Variants in SERGEF observed in about 807,000 individuals in gnomAD.
SERGEF encodes the protein secretion regulating guanine nucleotide exchange factor, also known as secretion-regulating guanine nucleotide exchange factor.
Under a neutral mutation model 50.0 loss-of-function variants are expected in SERGEF, and 51 were observed. The ratio of observed to expected loss-of-function variants is 1.02; its 90% confidence interval spans 0.81 to 1.29. The LOEUF is 1.29. SERGEF is among the 50% of genes most tolerant of loss of function. The pLI, the probability that SERGEF is intolerant of heterozygous loss-of-function variation, is 0.00. For missense variants in SERGEF, 521 were observed against 557.0 expected, an observed-to-expected ratio of 0.94 and a Z score of 0.65; for synonymous variants, 205 against 212.4, an observed-to-expected ratio of 0.97 and a Z score of 0.30.
chr11:17,917,120 T>C (rs1321480252), intron 9 of SERGEF, among the ~76,000 whole-genome samples: 1 of 152,252 alleles, frequency 6.6e-6, no homozygotes, highest in Non-Finnish European at 1.5e-5. Flanking sequence ...TGCACATGCA[T>C]GTTTATAGCA....
intron 10 of SERGEF, among the ~76,000 whole-genome samples, chr11:17,823,575 G>A (rs1387393334): frequency 6.6e-6 from 1 of 152,158 alleles, no homozygotes; most frequent in Non-Finnish European, 1.5e-5. Flanking sequence ...TGGGGGCAAG[G>A]TATTGGCAAA....
chr11:17,964,193 G>A (rs1004434279), intron 8 of SERGEF, among the ~76,000 whole-genome samples: 1 of 152,112 alleles, frequency 6.6e-6, no homozygotes, highest in Non-Finnish European at 1.5e-5. Flanking sequence ...CTCCTGGGGC[G>A]TTTGGCAAAC....
At position 17,790,713 on chromosome 11, in the gene SERGEF, TA is replaced by T. The variant is rs1849471342; in HGVS notation, c.1049-2301del. On this transcript the variant is annotated intron_variant, in intron 10 of 10. Transcript: ENST00000265965. ...TATATGTAAGCATGTTTATGTTTAG[TA>T]AGTGTGGCCAAATATCTCTCCAATG... Among the ~76,000 whole-genome samples the T allele has an allele frequency of 2.6e-5, 4 of 152,202 alleles. 1 individual carries two copies. In the South Asian group the frequency reaches 8.3e-4, roughly 32 times the overall value.
At position 17,988,770 on chromosome 11, in the gene SERGEF, A is replaced by T; in HGVS notation, c.686-15T>A. ...CTCTCCTGCATCTTAAACAAACAGA[A>T]GGGTAACAAAAGAGGTGAGGGAACA... is the stretch of plus-strand genomic sequence containing the variant. On this transcript the variant is annotated splice_polypyrimidine_tract_variant and intron_variant, in intron 7 of 10. Transcript: ENST00000265965. 1 of 1,611,890 alleles carries T rather than the reference A, an allele frequency of 6.2e-7. No homozygotes were observed. Among genetic ancestry groups the T allele is most frequent in the Non-Finnish European group, 8.5e-7 (1 of 1,178,612 alleles).
At chr11:17,805,092 A>C (rs2299632) in intron 10 of SERGEF, among the ~76,000 whole-genome samples, 54,161 of 152,142 alleles carry the variant, frequency 0.36, 9,960 homozygotes, top group South Asian at 0.44. Context: ...CTAACAGTTT[A>C]AAATGAATTC....
intron 10 of SERGEF, among the ~76,000 whole-genome samples, chr11:17,793,272 G>A (rs1421746639): frequency 6.6e-6 from 1 of 152,168 alleles, no homozygotes; most frequent in Non-Finnish European, 1.5e-5. Flanking sequence ...TAGAATGATA[G>A]GAAGTTTGGG....
At chr11:17,880,837 TA>T (rs1001752120) in intron 9 of SERGEF, among the ~76,000 whole-genome samples, 2 of 152,240 alleles carry the variant, frequency 1.3e-5, no homozygotes, top group Non-Finnish European at 2.9e-5. Flanking sequence ...GATTGTAAGA[TA>T]TTTTTTCTAC....
At chr11:18,003,864 T>C (rs1187578452) in intron 4 of SERGEF, among the ~76,000 whole-genome samples, 1 of 152,200 alleles carries the variant, frequency 6.6e-6, no homozygotes, top group Non-Finnish European at 1.5e-5. Flanking sequence ...TTGGTGGTAA[T>C]GAAAATGTTC....
At chr11:17,854,590 G>C (rs1247108889) in intron 10 of SERGEF, among the ~76,000 whole-genome samples, 3 of 152,064 alleles carry the variant, frequency 2.0e-5, no homozygotes, top group Non-Finnish European at 2.9e-5. Flanking sequence ...TGCTGCCACT[G>C]CCTGTCCTTC....
At chr11:17,945,901 C>T (rs932529619) in intron 9 of SERGEF, among the ~76,000 whole-genome samples, 6 of 152,056 alleles carry the variant, frequency 3.9e-5, no homozygotes, top group African/African-American at 1.2e-4. Context: ...TTGCTTGAAC[C>T]CAGGAGGCAG....
chr11:17,839,771 T>A (rs1850468057), intron 10 of SERGEF, among the ~76,000 whole-genome samples: 1 of 152,158 alleles, frequency 6.6e-6, no homozygotes, highest in African/African-American at 2.4e-5. Context: ...TCCTGAGGTG[T>A]TGGCTCCTGG....
intron 1 of SERGEF, among the ~76,000 whole-genome samples, chr11:18,010,858 T>C (rs1178924526): frequency 3.9e-5 from 6 of 152,090 alleles, no homozygotes; most frequent in African/African-American, 1.4e-4. Flanking sequence ...TGAAGGGGAA[T>C]ATAGAGCATA....
rs532569727 is a variant in SERGEF at position 17,866,764 on chromosome 11, T to C, written c.1048+11444A>G. ...AGACAACCCAAGACTGGGTAATTTATAAAAGAAAGAGATTTAATGGACTTA... is the reference window on the plus strand; with the variant it reads ...AGACAACCCAAGACTGGGTAATTTACAAAAGAAAGAGATTTAATGGACTTA... On this transcript the variant is annotated intron_variant, in intron 10 of 10. Coordinates refer to ENST00000265965, the MANE Select transcript of SERGEF (RefSeq NM_012139.4). 4.6e-5 allele frequency: 7 copies of C among 152,332 alleles called. No homozygotes were observed. In the East Asian group the frequency reaches 1.4e-3, roughly 29 times the overall value. The allele number at this position is 152,332 out of a possible 1,614,324, so 9.4% of individuals were successfully genotyped here.
At chr11:17,910,965 C>A (rs1330046090) in intron 9 of SERGEF, among the ~76,000 whole-genome samples, 1 of 152,028 alleles carries the variant, frequency 6.6e-6, no homozygotes, top group Non-Finnish European at 1.5e-5. Flanking sequence ...ACAGAAGAAG[C>A]AATATTTAAA....
intron 10 of SERGEF, among the ~76,000 whole-genome samples, chr11:17,795,466 T>A (rs1849557301): frequency 6.6e-6 from 1 of 152,056 alleles, no homozygotes; most frequent in African/African-American, 2.4e-5. Flanking sequence ...GTGGGAGAAA[T>A]CAGGCAGAAA....
intron 10 of SERGEF, chr11:17,855,804 G>C (rs894519129): frequency 6.6e-6 from 1 of 152,264 alleles, no homozygotes; most frequent in African/African-American, 2.4e-5. Flanking sequence ...TGGGAGATCT[G>C]CTTTCTTAGT....
chr11:17,926,172 G>GT (rs142157396), intron 9 of SERGEF, among the ~76,000 whole-genome samples: 17,551 of 151,120 alleles, frequency 0.12, 1,323 homozygotes, highest in Middle Eastern at 0.23. Context: ...CATTCACCCA[G>GT]TTTTTTTTTC....
intron 10 of SERGEF, among the ~76,000 whole-genome samples, chr11:17,828,204 T>A (rs1442047683): frequency 1.3e-5 from 2 of 152,238 alleles, no homozygotes; most frequent in Non-Finnish European, 2.9e-5. Context: ...TAATCTTACA[T>A]GCGTGTGTGT....
chr11:17,884,536 A>G lies in SERGEF; in HGVS notation c.1012-6292T>C, dbSNP rs1851394563. Among the ~76,000 whole-genome samples the G allele has an allele frequency of 6.6e-6, 1 of 152,158 alleles. No individual in the cohort carries two copies. Among genetic ancestry groups the G allele is most frequent in the South Asian group, 2.1e-4 (1 of 4,822 alleles). The stretch of plus-strand genomic sequence containing the variant: ...AGTGCTTGGAAGCTGGGCACGTTTT[A>G]CAGGCACACTGCAATCCAGTGAGCC... On this transcript the variant is annotated intron_variant, in intron 9 of 10. Coordinates refer to ENST00000265965, the MANE Select transcript of SERGEF (RefSeq NM_012139.4). This position sits in a 1 kb window ranked among gnomAD's most constrained non-coding sequence, Gnocchi z 4.6.
Sources: allele counts gnomAD v4.1 joint callset (sites outside exome capture counted in the v4.1 genomes callset), GRCh38; gene constraint gnomAD v4.1.1; non-coding constraint Gnocchi (gnomAD v3.1); transcripts MANE v1.5; gene names NCBI Gene and HGNC (gene_info 2026-07-23, HGNC 2026-07-21).